GFRA2: variants seen among roughly 807,000 people sequenced by gnomAD.
GFRA2 encodes the protein GDNF family receptor alpha 2, also known as GDNF family receptor alpha-2.
In GFRA2, 17 loss-of-function variants were observed where a neutral mutation model predicts 48.3. The ratio of observed to expected loss-of-function variants is 0.35; its 90% CI spans 0.24 to 0.53. The LOEUF is 0.53. Ranked by LOEUF, GFRA2 falls within the 20% of genes least tolerant of loss-of-function variation. GFRA2 has a pLI of 0.93. For synonymous variants in GFRA2, 305 were observed against 257.2 expected, an observed-to-expected ratio of 1.19 and a Z score of -1.78; for missense variants, 660 against 637.3, an observed-to-expected ratio of 1.04 and a Z score of -0.38.
chr8:21,776,037 G>GTGTA (rs1554496518), intron 2 of GFRA2, among the ~76,000 whole-genome samples: 3,595 of 139,808 alleles, frequency 0.026, 138 homozygotes, highest in African/African-American at 0.068. Flanking sequence ...GTGTGTGTGT[G>GTGTA]TGTAGTGAAA....
intron 4 of GFRA2, among the ~76,000 whole-genome samples, chr8:21,736,396 C>T (rs1804464796): frequency 6.6e-6 from 1 of 152,202 alleles, no homozygotes; most frequent in Non-Finnish European, 1.5e-5. Context: ...AAAATAGCTG[C>T]AAGTTACATT....
chr8:21,695,591 A>T (rs918578764), intron 7 of GFRA2, among the ~76,000 whole-genome samples: 2 of 152,090 alleles, frequency 1.3e-5, no homozygotes, highest in East Asian at 3.9e-4. Flanking sequence ...TGGAACCAGG[A>T]GTGTCCCCAG....
At chr8:21,769,140 A>G (rs1176300171) in intron 3 of GFRA2, 1 of 979,990 alleles carries the variant, frequency 1.0e-6, no homozygotes, top group Non-Finnish European at 1.2e-6. Context: ...CACAGTGAGG[A>G]CACAGGTCTG....
rs998092394 is a variant in GFRA2 at position 21,782,887 on chromosome 8, C to A, written c.53G>T (p.Arg18Leu). Residue 18 changes from arginine to leucine, a missense_variant, in exon 2 of 9, where the codon CGC becomes CTC. Physicochemically the swap from Arg to Leu is moderately radical, Grantham distance 102 (BLOSUM62 -2). Transcript: ENST00000524240. ...CAGGGAGGAAGGGCTGGCCAAAGAGCGGAGGGTCTCGTCTGGGTGGTGGGG... is the reference window on the plus strand; with the variant it reads ...CAGGGAGGAAGGGCTGGCCAAAGAGAGGAGGGTCTCGTCTGGGTGGTGGGG... ...CLFFFLDETL[R>L]SLASPSSLQG... is the part of the protein sequence containing the mutation. 1.3e-6 allele frequency: 2 copies of A among 1,556,180 alleles called. No individual in the cohort carries two copies.
At chr8:21,737,677 C>A (rs1206036463) in intron 4 of GFRA2, among the ~76,000 whole-genome samples, 2 of 152,114 alleles carry the variant, frequency 1.3e-5, no homozygotes, top group Non-Finnish European at 2.9e-5. Context: ...CTGTCCTCTT[C>A]TCCCAGAAGC....
At chr8:21,767,539 G>A (rs1806233908) in intron 3 of GFRA2, among the ~76,000 whole-genome samples, 1 of 152,360 alleles carries the variant, frequency 6.6e-6, no homozygotes, top group African/African-American at 2.4e-5. Context: ...TGCAGTTGAT[G>A]GCGAAGCCAG....
chr8:21,698,029 C>T (rs1009028703), intron 7 of GFRA2, among the ~76,000 whole-genome samples: 2 of 152,194 alleles, frequency 1.3e-5, no homozygotes, highest in Non-Finnish European at 2.9e-5. Context: ...ACCACCTTCA[C>T]AGCAGACGAA....
intron 4 of GFRA2, among the ~76,000 whole-genome samples, chr8:21,729,277 C>T (rs1225404366): frequency 6.6e-6 from 1 of 152,150 alleles, no homozygotes; most frequent in Non-Finnish European, 1.5e-5. Context: ...CTGCAGTGAG[C>T]CGTGATCACA....
rs922063181 is a variant in GFRA2 at position 21,694,364 on chromosome 8, C to A, written c.1272+100G>T. 5 of 1,155,852 alleles carry A rather than the reference C, an allele frequency of 4.3e-6. No homozygotes were observed. In the East Asian group the frequency reaches 7.7e-5, roughly 18 times the overall value. The allele number at this position is 1,155,852 out of a possible 1,614,324, so 71.6% of individuals were successfully genotyped here. Reference sequence around the variant, plus strand: ...AGAAGCTCAGCTGGCCCAGCCCATGCGATGAGATTTGAGGGCGCTGGATCT... The same window carrying A: ...AGAAGCTCAGCTGGCCCAGCCCATGAGATGAGATTTGAGGGCGCTGGATCT... On this transcript the variant is annotated intron_variant, in intron 8 of 8. Transcript: ENST00000524240.
At chr8:21,700,999 AG>A (rs1446831725) in intron 7 of GFRA2, among the ~76,000 whole-genome samples, 2 of 152,212 alleles carry the variant, frequency 1.3e-5, no homozygotes, top group African/African-American at 4.8e-5. Context: ...TGGGCTGGGA[AG>A]GAGGGGAGGC....
intron 6 of GFRA2, among the ~76,000 whole-genome samples, chr8:21,703,793 T>C (rs1231218475): frequency 6.6e-6 from 1 of 152,078 alleles, no homozygotes; most frequent in Non-Finnish European, 1.5e-5. Flanking sequence ...ACTGCTCTGG[T>C]TCACAGCCAC....
At chr8:21,738,993 G>A (rs1804620277) in intron 4 of GFRA2, among the ~76,000 whole-genome samples, 1 of 152,186 alleles carries the variant, frequency 6.6e-6, no homozygotes, top group Non-Finnish European at 1.5e-5. Flanking sequence ...AGCTCCTGCA[G>A]CTGCTGAGTG....
chr8:21,754,308 G>A (rs541041419), intron 3 of GFRA2, among the ~76,000 whole-genome samples: 1 of 152,214 alleles, frequency 6.6e-6, no homozygotes, highest in Admixed American at 6.5e-5. Context: ...ATGTATTTAG[G>A]CCAGTGTCTA....
At chr8:21,791,015 C>T (rs998680456), upstream of GFRA2, among the ~76,000 whole-genome samples, 1 of 152,138 alleles carries the variant, frequency 6.6e-6, no homozygotes, top group Non-Finnish European at 1.5e-5. Context: ...TACTCCCCAC[C>T]ACCACCCATT....
Position 21,788,322 on chromosome 8 carries a change from T to C in GFRA2, c.-163A>G. ...ATGAAGATCCCGAGTCCTGCGATTC[T>C]CGCCTCTGGCTGGAGGGGGTGGGGT... is the stretch of plus-strand genomic sequence containing the variant. On this transcript the variant is annotated 5_prime_UTR_variant, in exon 1 of 9. Coordinates refer to ENST00000524240, the MANE Select transcript of GFRA2 (RefSeq NM_001495.5). The C allele has an allele frequency of 7.2e-7, 1 of 1,388,584 alleles. No individual in the cohort carries two copies. Among genetic ancestry groups the C allele is most frequent in the Non-Finnish European group, 9.3e-7 (1 of 1,072,466 alleles). 86.0% of individuals were successfully genotyped at this position (1,388,584 alleles called of 1,614,324 possible). A position where few individuals can be genotyped will look rare whatever the true frequency, so the allele number is the denominator to read the frequency against.
chr8:21,712,053 C>A (rs1170027522), intron 4 of GFRA2, among the ~76,000 whole-genome samples: 1 of 152,262 alleles, frequency 6.6e-6, no homozygotes. Context: ...TAGTACAGAA[C>A]AAAATGAAAA....
intron 7 of GFRA2, among the ~76,000 whole-genome samples, chr8:21,701,570 T>C (rs760424491): frequency 6.6e-6 from 1 of 152,128 alleles, no homozygotes; most frequent in Non-Finnish European, 1.5e-5. Context: ...CAGACTGACT[T>C]AGTCTGTAGG....
chr8:21,793,759 G>A (rs919430586), upstream of GFRA2, among the ~76,000 whole-genome samples: 5 of 152,018 alleles, frequency 3.3e-5, no homozygotes, highest in South Asian at 2.1e-4. Flanking sequence ...GAAAAGTGGC[G>A]GCTCTCCAGG....
intron 4 of GFRA2, among the ~76,000 whole-genome samples, chr8:21,731,507 G>A (rs75753278): frequency 2.0e-5 from 3 of 152,110 alleles, no homozygotes; most frequent in African/African-American, 7.2e-5. Context: ...AAGGGCTCCG[G>A]CAAAACAGCA....
Sources: gnomAD v4.1 joint callset for allele counts (sites outside exome capture counted in the v4.1 genomes callset) on GRCh38, gnomAD v4.1.1 for gene constraint, MANE v1.5 for transcripts, NCBI Gene and HGNC (gene_info 2026-07-23, HGNC 2026-07-21) for gene names.